The following MAF variants were observed in gnomAD, a reference collection of about 807,000 sequenced individuals.
The protein encoded by MAF is transcription factor Maf.
A neutral mutation model predicts 22.0 loss-of-function variants in MAF; 10 were observed. That is an observed-to-expected ratio of 0.45 (90% CI 0.28 to 0.77). MAF has a LOEUF of 0.77. Among genes scored for constraint, MAF ranks in the 30% least tolerant of loss-of-function variants. The pLI is 0.12. For missense variants in MAF, 544 were observed against 548.4 expected (o/e 0.99, Z 0.08); for synonymous variants, 337 against 255.8 (o/e 1.32, Z -3.03).
At chr16:79,315,003 T>C in the MAF span, among the ~76,000 whole-genome samples, 3 of 152,240 alleles carry the variant, frequency 2.0e-5, no homozygotes, top group Non-Finnish European at 2.9e-5. Context: ...AGGGAATTAA[T>C]GAAGACGGGG....
chr16:79,250,466 G>A, the MAF span, among the ~76,000 whole-genome samples: 1 of 152,202 alleles, frequency 6.6e-6, no homozygotes, highest in Non-Finnish European at 1.5e-5. Flanking sequence ...AGAATGAGAG[G>A]ATTTGATGAA....
At chr16:79,318,819 T>C in the MAF span, among the ~76,000 whole-genome samples, 1 of 152,120 alleles carries the variant, frequency 6.6e-6, no homozygotes, top group Non-Finnish European at 1.5e-5. Context: ...AAACACAGCC[T>C]CTGCTGGAAG....
At chr16:79,430,789 T>G in the MAF span, among the ~76,000 whole-genome samples, 3 of 152,260 alleles carry the variant, frequency 2.0e-5, no homozygotes, top group Admixed American at 1.3e-4. Context: ...AGTCCCTGTC[T>G]GCCTTTTACA....
the MAF span, among the ~76,000 whole-genome samples, chr16:79,403,699 T>C: frequency 6.6e-6 from 1 of 152,306 alleles, no homozygotes; most frequent in South Asian, 2.1e-4. Context: ...TGGTCTCCTA[T>C]ATGGACTATG....
At chr16:79,294,494 C>T in the MAF span, among the ~76,000 whole-genome samples, 1 of 152,106 alleles carries the variant, frequency 6.6e-6, no homozygotes, top group Admixed American at 6.5e-5. Context: ...TCAGATGCTC[C>T]CTAGTTCATG....
the MAF span, among the ~76,000 whole-genome samples, chr16:79,308,442 T>A: frequency 6.6e-6 from 1 of 152,064 alleles, no homozygotes; most frequent in Non-Finnish European, 1.5e-5. Flanking sequence ...ATAACCTCAA[T>A]GAGCCTCTGC....
chr16:79,392,211 A>G, the MAF span, among the ~76,000 whole-genome samples: 1 of 148,646 alleles, frequency 6.7e-6, no homozygotes, highest in Admixed American at 6.7e-5. Context: ...AAGAGAGAGG[A>G]GAAAGAAAAA....
At chr16:79,518,856 C>T in the MAF span, among the ~76,000 whole-genome samples, 226 of 152,174 alleles carry the variant, frequency 1.5e-3, 1 homozygote, top group African/African-American at 5.0e-3. Flanking sequence ...ACCCAGGAGG[C>T]GGAGGTTGCC....
the MAF span, among the ~76,000 whole-genome samples, chr16:79,354,580 T>G: frequency 6.6e-6 from 1 of 152,112 alleles, no homozygotes; most frequent in Non-Finnish European, 1.5e-5. Context: ...ACTGGCCAGA[T>G]AGCCAGGAAT....
chr16:79,363,513 T>TACTA, the MAF span, among the ~76,000 whole-genome samples: 1 of 152,072 alleles, frequency 6.6e-6, no homozygotes, highest in African/African-American at 2.4e-5. Context: ...CTTACTTACT[T>TACTA]ACTAGTGAAA....
At chr16:79,536,030 T>C in the MAF span, among the ~76,000 whole-genome samples, 2 of 152,228 alleles carry the variant, frequency 1.3e-5, no homozygotes, top group South Asian at 4.1e-4. Context: ...TTATGTTTGG[T>C]TCTGCATGCT....
At chr16:79,439,906 G>A in the MAF span, among the ~76,000 whole-genome samples, 2 of 152,172 alleles carry the variant, frequency 1.3e-5, no homozygotes, top group Non-Finnish European at 2.9e-5. Context: ...AGTGCATCAG[G>A]GACTTGGGTT....
At chr16:79,298,315 G>T in the MAF span, among the ~76,000 whole-genome samples, 5 of 152,218 alleles carry the variant, frequency 3.3e-5, no homozygotes, top group Admixed American at 2.6e-4. Flanking sequence ...AGGTGTGTTT[G>T]CTCTGCTCCT....
At chr16:79,449,565 T>A in the MAF span, among the ~76,000 whole-genome samples, 5 of 152,208 alleles carry the variant, frequency 3.3e-5, no homozygotes, top group African/African-American at 1.2e-4. Flanking sequence ...CAAACATTTA[T>A]GAAGCAGTTG....
At chr16:79,227,758 T>C in the MAF span, among the ~76,000 whole-genome samples, 2 of 152,010 alleles carry the variant, frequency 1.3e-5, no homozygotes, top group African/African-American at 4.8e-5. Context: ...AATAATACAT[T>C]TTACGCTACT....
the MAF span, among the ~76,000 whole-genome samples, chr16:79,544,362 G>C: frequency 1.3e-5 from 2 of 152,120 alleles, no homozygotes; most frequent in Admixed American, 1.3e-4. Flanking sequence ...AGATCTAGAA[G>C]AGTCCATCAG....
the MAF span, among the ~76,000 whole-genome samples, chr16:79,232,381 T>C: frequency 1.3e-5 from 2 of 152,244 alleles, no homozygotes; most frequent in South Asian, 4.1e-4. Context: ...AACATTTTCA[T>C]GTTATTGATA....
the MAF span, among the ~76,000 whole-genome samples, chr16:79,422,293 A>G: frequency 1.3e-5 from 2 of 152,318 alleles, no homozygotes; most frequent in Middle Eastern, 3.4e-3. Flanking sequence ...GATTTAGTCA[A>G]TGACGTCAAA....
chr16:79,463,254 G>C, the MAF span, among the ~76,000 whole-genome samples: 1 of 152,200 alleles, frequency 6.6e-6, no homozygotes, highest in Admixed American at 6.5e-5. Context: ...AGCTATGGTA[G>C]GAGTTGGGCT....
Sources: allele counts gnomAD v4.1 joint callset (sites outside exome capture counted in the v4.1 genomes callset), GRCh38; gene constraint gnomAD v4.1.1; transcripts MANE v1.5; gene names NCBI Gene and HGNC (gene_info 2026-07-23, HGNC 2026-07-21).